The following ZFHX3 variants were observed in gnomAD, a reference collection of about 807,000 sequenced individuals.
ZFHX3 encodes zinc finger homeobox 3.
ZFHX3 carries 42 observed loss-of-function variants against 279.1 expected under a neutral mutation model. The observed-to-expected ratio is 0.15, with a 90% CI of 0.12 to 0.19. The LOEUF (loss-of-function observed/expected upper bound fraction) is 0.19. ZFHX3 is among the 10% of genes least tolerant of loss of function. The pLI is 1.00. For synonymous variants in ZFHX3, 2,293 were observed against 1,957.8 expected, an observed-to-expected ratio of 1.17 and a Z score of -4.52; for missense variants, 4,981 against 4,754.0, an observed-to-expected ratio of 1.05 and a Z score of -1.40.
intron 1 of ZFHX3, among the ~76,000 whole-genome samples, chr16:73,750,773 C>T (rs2053754877): frequency 1.3e-5 from 2 of 152,068 alleles, no homozygotes; most frequent in South Asian, 4.2e-4. Context: ...AGCAATGAGA[C>T]CAGACTCGGA....
chr16:73,205,994 C>A (rs970364053), intron 5 of ZFHX3, among the ~76,000 whole-genome samples: 1 of 152,150 alleles, frequency 6.6e-6, no homozygotes, highest in Non-Finnish European at 1.5e-5. Context: ...TTTGACAAAT[C>A]GCAATTTGAG....
chr16:73,210,681 G>T (rs528692978), intron 5 of ZFHX3, among the ~76,000 whole-genome samples: 1 of 152,266 alleles, frequency 6.6e-6, no homozygotes, highest in Admixed American at 6.5e-5. Flanking sequence ...TACAGAACAA[G>T]GTTTCAAGTC....
intron 3 of ZFHX3, among the ~76,000 whole-genome samples, chr16:72,909,556 CA>C (rs1463861642): frequency 6.6e-6 from 1 of 152,102 alleles, no homozygotes; most frequent in Non-Finnish European, 1.5e-5. Flanking sequence ...CTTTGATAAG[CA>C]AAATAAGTTT....
At chr16:73,696,509 A>T (rs2053198999) in intron 1 of ZFHX3, among the ~76,000 whole-genome samples, 1 of 152,220 alleles carries the variant, frequency 6.6e-6, no homozygotes, top group African/African-American at 2.4e-5. Context: ...CCATACATAA[A>T]AGATATATTA....
At chr16:72,886,299 A>T (rs1389432461) in intron 4 of ZFHX3, among the ~76,000 whole-genome samples, 1 of 151,958 alleles carries the variant, frequency 6.6e-6, no homozygotes, top group Non-Finnish European at 1.5e-5. Flanking sequence ...GAGAGAGCAA[A>T]AACATGACTC....
chr16:73,037,564 G>C (rs970328175), intron 1 of ZFHX3, among the ~76,000 whole-genome samples: 5 of 152,120 alleles, frequency 3.3e-5, no homozygotes, highest in Non-Finnish European at 5.9e-5. Flanking sequence ...GCTATATTAA[G>C]GCCTCCACAC....
chr16:72,870,888 T>C (rs1192066354), intron 4 of ZFHX3, among the ~76,000 whole-genome samples: 1 of 152,208 alleles, frequency 6.6e-6, no homozygotes, highest in Non-Finnish European at 1.5e-5. Flanking sequence ...CATTGTTCTG[T>C]GGTTATGTAA....
intron 1 of ZFHX3, among the ~76,000 whole-genome samples, chr16:73,734,529 TTACATAG>T (rs2053593767): frequency 6.6e-6 from 1 of 152,132 alleles, no homozygotes; most frequent in Non-Finnish European, 1.5e-5. Context: ...GCTGAAATAT[TTACATAG>T]TACAATATAA....
intron 7 of ZFHX3, among the ~76,000 whole-genome samples, chr16:73,105,457 A>ATTTTT (rs370445292): frequency 0.077 from 9,292 of 120,446 alleles, 520 homozygotes; most frequent in Non-Finnish European, 0.1. Flanking sequence ...ATATATATAT[A>ATTTTT]TTTTTTCCCC....
At chr16:73,672,260 C>T (rs1435306509) in intron 2 of ZFHX3, among the ~76,000 whole-genome samples, 1 of 152,122 alleles carries the variant, frequency 6.6e-6, no homozygotes, top group Non-Finnish European at 1.5e-5. Context: ...GAGAAAGGAA[C>T]AAGATCGTTC....
At chr16:72,948,835 T>C (rs1018225120) in intron 3 of ZFHX3, among the ~76,000 whole-genome samples, 5 of 152,216 alleles carry the variant, frequency 3.3e-5, no homozygotes, top group Non-Finnish European at 7.4e-5. Flanking sequence ...TCAGGTTTTC[T>C]TGACCACGTC....
chr16:73,094,998 C>T (rs1396374340), intron 7 of ZFHX3, among the ~76,000 whole-genome samples: 2 of 152,242 alleles, frequency 1.3e-5, no homozygotes, highest in Non-Finnish European at 2.9e-5. Context: ...GCATGAGCCA[C>T]TGTGCGCAGC....
intron 5 of ZFHX3, among the ~76,000 whole-genome samples, chr16:73,169,989 G>A (rs1490624148): frequency 1.3e-5 from 2 of 152,044 alleles, no homozygotes; most frequent in East Asian, 1.9e-4. Context: ...TCCATTGAAT[G>A]TCTGTCTCCC....
intron 1 of ZFHX3, among the ~76,000 whole-genome samples, chr16:73,030,149 G>A (rs1425585872): frequency 2.0e-5 from 3 of 152,150 alleles, no homozygotes; most frequent in African/African-American, 7.2e-5. Context: ...TAATCCCCAA[G>A]ACCGGCTACT....
At chr16:73,284,734 C>G (rs1245262578) in intron 4 of ZFHX3, among the ~76,000 whole-genome samples, 1 of 152,132 alleles carries the variant, frequency 6.6e-6, no homozygotes, top group Non-Finnish European at 1.5e-5. Flanking sequence ...AGAGTCTCCC[C>G]TTGTTTGGGA....
At chr16:73,384,246 T>A (rs1318132275) in intron 3 of ZFHX3, among the ~76,000 whole-genome samples, 1 of 152,240 alleles carries the variant, frequency 6.6e-6, no homozygotes. Context: ...ATATAGTCTA[T>A]GGGCTGTTTT....
intron 1 of ZFHX3, among the ~76,000 whole-genome samples, chr16:73,741,721 T>C (rs983502839): frequency 3.3e-5 from 5 of 152,162 alleles, no homozygotes; most frequent in Admixed American, 2.6e-4. Context: ...TTTTATATCC[T>C]TTTTTATTCT....
intron 7 of ZFHX3, among the ~76,000 whole-genome samples, chr16:72,800,398 C>T (rs567171334): frequency 6.6e-6 from 1 of 152,124 alleles, no homozygotes; most frequent in Non-Finnish European, 1.5e-5. Context: ...AGAATTTTGA[C>T]TTTGATCACT....
chr16:73,001,551 G>A (rs1963498168), intron 1 of ZFHX3, among the ~76,000 whole-genome samples: 1 of 152,148 alleles, frequency 6.6e-6, no homozygotes, highest in Non-Finnish European at 1.5e-5. Flanking sequence ...GCTGACTCAT[G>A]CCTGTGGTCC....
Sources: gnomAD v4.1 joint callset for allele counts (sites outside exome capture counted in the v4.1 genomes callset) on GRCh38, gnomAD v4.1.1 for gene constraint, MANE v1.5 for transcripts, NCBI Gene and HGNC (gene_info 2026-07-23, HGNC 2026-07-21) for gene names.